ERBB4: variants seen among roughly 807,000 people sequenced by gnomAD.
ERBB4 encodes the protein erb-b2 receptor tyrosine kinase 4, also known as receptor tyrosine-protein kinase erbB-4.
A neutral mutation model predicts 158.0 loss-of-function variants in ERBB4; 42 were observed. The ratio of observed to expected loss-of-function variants is 0.27; its 90% confidence interval spans 0.21 to 0.34. ERBB4 has a LOEUF of 0.34. Among genes scored for constraint, ERBB4 ranks in the 10% least tolerant of loss-of-function variants. The pLI is 1.00. For synonymous variants in ERBB4, 583 were observed against 558.7 expected (o/e 1.04, Z -0.61); for missense variants, 1,333 against 1,624.1 (o/e 0.82, Z 3.08).
intron 1 of ERBB4, among the ~76,000 whole-genome samples, chr2:212,173,132 C>T (rs1271978644): frequency 1.3e-5 from 2 of 151,916 alleles, no homozygotes; most frequent in African/African-American, 4.8e-5. Flanking sequence ...TAATTGATCT[C>T]TTATTATACC....
At chr2:211,849,164 T>C (rs141181203) in intron 3 of ERBB4, among the ~76,000 whole-genome samples, 84 of 152,086 alleles carry the variant, frequency 5.5e-4, no homozygotes, top group African/African-American at 1.9e-3. Context: ...CTGATAGATA[T>C]CAACATGAAA....
At chr2:211,737,605 T>C (rs2074645364) in intron 5 of ERBB4, among the ~76,000 whole-genome samples, 1 of 152,190 alleles carries the variant, frequency 6.6e-6, no homozygotes, top group Admixed American at 6.5e-5. Flanking sequence ...ATTAGACACA[T>C]TGCTTAACCT....
intron 1 of ERBB4, among the ~76,000 whole-genome samples, chr2:212,157,054 C>T (rs1274644154): frequency 2.6e-5 from 4 of 152,060 alleles, no homozygotes; most frequent in Non-Finnish European, 4.4e-5. Flanking sequence ...CCTGCAAAAA[C>T]ATGTCTATGG....
chr2:212,268,886 T>C (rs969422712), intron 1 of ERBB4, among the ~76,000 whole-genome samples: 22 of 151,856 alleles, frequency 1.4e-4, no homozygotes, highest in African/African-American at 4.6e-4. Flanking sequence ...TGTTCCTTTT[T>C]TATTGAATTA....
intron 1 of ERBB4, among the ~76,000 whole-genome samples, chr2:212,450,371 C>T (rs1440133540): frequency 6.6e-6 from 1 of 152,006 alleles, no homozygotes; most frequent in East Asian, 1.9e-4. Context: ...TAAGTGAGCC[C>T]AGTATAATCC....
Position 211,375,885 on chromosome 2 carries a change from A to G in ERBB4, c.*7730T>C, listed in dbSNP as rs892831976. 4.3e-6 allele frequency: 1 copy of G among 232,872 alleles called. No homozygotes were observed. The allele number at this position is 232,872 out of a possible 1,614,324, so 14.4% of individuals were successfully genotyped here. On this transcript the variant is annotated 3_prime_UTR_variant, in exon 28 of 28. Coordinates refer to ENST00000342788, the MANE Select transcript of ERBB4 (RefSeq NM_005235.3). ...TTCTATAATTGCCTTGTACAGGTACAATTCTTTCCCAAGAGCCAAAAGAGG... is the reference window on the plus strand; with the variant it reads ...TTCTATAATTGCCTTGTACAGGTACGATTCTTTCCCAAGAGCCAAAAGAGG...
chr2:211,977,515 G>C (rs1054615247), intron 2 of ERBB4, among the ~76,000 whole-genome samples: 2 of 68,742 alleles, frequency 2.9e-5, no homozygotes, highest in Admixed American at 4.6e-4. Context: ...GCCTTACTTT[G>C]TTAAGATATT....
At chr2:211,928,527 G>A (rs2080081476) in intron 3 of ERBB4, among the ~76,000 whole-genome samples, 1 of 152,176 alleles carries the variant, frequency 6.6e-6, no homozygotes, top group Non-Finnish European at 1.5e-5. Context: ...TCTTTTGTGT[G>A]CAAACAGAAG....
At chr2:212,293,867 A>C (rs948827886) in intron 1 of ERBB4, among the ~76,000 whole-genome samples, 26 of 150,794 alleles carry the variant, frequency 1.7e-4, no homozygotes, top group African/African-American at 2.4e-4. Flanking sequence ...AACAAAAAAA[A>C]AAAAAACATA....
intron 2 of ERBB4, among the ~76,000 whole-genome samples, chr2:211,986,001 A>G (rs1440054779): frequency 6.6e-6 from 1 of 152,194 alleles, no homozygotes; most frequent in Admixed American, 6.5e-5. Context: ...GTACTGAATT[A>G]GGGTGGGCCT....
chr2:211,765,492 A>C (rs2075529316), intron 4 of ERBB4, among the ~76,000 whole-genome samples: 1 of 152,148 alleles, frequency 6.6e-6, no homozygotes, highest in Admixed American at 6.5e-5. Flanking sequence ...CTTATCCCTC[A>C]GGAAAAAAAA....
intron 6 of ERBB4, among the ~76,000 whole-genome samples, chr2:211,723,074 T>G (rs936964130): frequency 6.6e-6 from 1 of 152,162 alleles, no homozygotes; most frequent in Non-Finnish European, 1.5e-5. Context: ...TGCCAAAATG[T>G]AAAGAGGTAA....
intron 1 of ERBB4, among the ~76,000 whole-genome samples, chr2:212,472,743 G>A (rs913356602): frequency 6.6e-6 from 1 of 151,802 alleles, no homozygotes; most frequent in African/African-American, 2.4e-5. Context: ...TTATAACAAT[G>A]TCAAACTTAT....
chr2:212,455,131 G>A (rs979436071), intron 1 of ERBB4, among the ~76,000 whole-genome samples: 1 of 149,642 alleles, frequency 6.7e-6, no homozygotes, highest in Admixed American at 6.7e-5. Flanking sequence ...TTGAATTGAG[G>A]ACTTCATTAC....
At chr2:212,244,303 C>T (rs551260682) in intron 1 of ERBB4, among the ~76,000 whole-genome samples, 10 of 152,146 alleles carry the variant, frequency 6.6e-5, no homozygotes, top group Middle Eastern at 3.4e-3. Context: ...AAAGGCAACA[C>T]GGAGGAAGTC....
chr2:211,424,037 A>G (rs2063569799), intron 23 of ERBB4, 118 bp downstream of exon 23: 5 of 1,009,272 alleles, frequency 5.0e-6, no homozygotes, highest in African/African-American at 4.8e-5. Flanking sequence ...TGTTCCTTTC[A>G]TAATTGTTTT....
intron 1 of ERBB4, among the ~76,000 whole-genome samples, chr2:212,272,688 T>C (rs1399721089): frequency 6.6e-6 from 1 of 151,834 alleles, no homozygotes; most frequent in Non-Finnish European, 1.5e-5. Flanking sequence ...ATACTGATAA[T>C]GCAAGTTTCA....
At chr2:211,953,077 A>C (rs1439630963) in intron 2 of ERBB4, among the ~76,000 whole-genome samples, 1 of 152,076 alleles carries the variant, frequency 6.6e-6, no homozygotes, top group Non-Finnish European at 1.5e-5. Context: ...ATGGCTGTGG[A>C]ATGGAATGGA....
intron 3 of ERBB4, among the ~76,000 whole-genome samples, chr2:211,935,559 G>C (rs573679418): frequency 8.1e-4 from 123 of 152,258 alleles, no homozygotes; most frequent in African/African-American, 2.7e-3. Flanking sequence ...ATCCCAGACT[G>C]AGAGGTACAC....
Sources: gnomAD v4.1 joint callset for allele counts (sites outside exome capture counted in the v4.1 genomes callset) on GRCh38, gnomAD v4.1.1 for gene constraint, MANE v1.5 for transcripts, NCBI Gene and HGNC (gene_info 2026-07-23, HGNC 2026-07-21) for gene names.